PIGH: variants seen among roughly 807,000 people sequenced by gnomAD.
PIGH encodes phosphatidylinositol N-acetylglucosaminyltransferase subunit H.
PIGH carries 11 observed loss-of-function variants against 20.1 expected under a neutral mutation model. The observed-to-expected ratio is 0.55, with a 90% CI of 0.34 to 0.91. PIGH has a LOEUF of 0.91. Among genes scored for constraint, PIGH ranks in the 40% least tolerant of loss-of-function variants. The pLI is 0.02. For missense variants in PIGH, 189 were observed against 233.6 expected, an observed-to-expected ratio of 0.81 and a Z score of 1.24; for synonymous variants, 72 against 93.1, an observed-to-expected ratio of 0.77 and a Z score of 1.31.
intron 1 of PIGH, among the ~76,000 whole-genome samples, chr14:67,598,992 G>A (rs2036524222): frequency 6.6e-6 from 1 of 152,186 alleles, no homozygotes; most frequent in African/African-American, 2.4e-5. Flanking sequence ...TTACAGGCGT[G>A]AGGTACAGTG....
chr14:67,600,262 C>CGTCTCGCCCGCTCCGGT lies in PIGH; in HGVS notation c.-60_-59insACCGGAGCGGGCGAGAC, dbSNP rs2036557760. ...GCTGCACTGCGCTCGCCGGCCCTGG[C>CGTCTCGCCCGCTCCGGT]CGTCTCGCCCGCTCCAGACCCGCTT... On this transcript the variant is annotated 5_prime_UTR_variant, in exon 1 of 4. Transcript: ENST00000216452. The CGTCTCGCCCGCTCCGGT allele has an allele frequency of 9.9e-6, 14 of 1,415,002 alleles. No individual in the cohort carries two copies. In the African/African-American group the frequency reaches 1.2e-4, roughly 12 times the overall value. The allele number at this position is 1,415,002 out of a possible 1,614,324, so 87.7% of individuals were successfully genotyped here. A position where few individuals can be genotyped will look rare whatever the true frequency, so the allele number is the denominator to read the frequency against.
Position 67,590,171 on chromosome 14 carries a change from C to T in PIGH, c.476G>A (p.Ser159Asn), listed in dbSNP as rs2036326885. Residue 159 changes from serine (S) to asparagine (N), a missense_variant and splice_region_variant, in exon 4 of 4, where the codon AGT (serine) becomes AAT (asparagine). By Grantham distance (46) the Ser-to-Asn change is conservative. Transcript: ENST00000216452. ...CAAGCAGTCCAGCCGGGGCTTGGCA[C>T]TCTGAATTCCAAAGGGGAGAAATGC... ...GISQVVPVFQ[S>N]AKPRLDCLIE... 6 of 1,549,488 alleles carry T rather than the reference C, an allele frequency of 3.9e-6. No individual in the cohort carries two copies. In the Admixed American group the frequency reaches 9.8e-5, roughly 25 times the overall value.
At chr14:67,598,713 CT>C (rs10681128) in intron 1 of PIGH, among the ~76,000 whole-genome samples, 2,028 of 144,400 alleles carry the variant, frequency 0.014, 26 homozygotes, top group Non-Finnish European at 0.022. Flanking sequence ...TATGAACAAA[CT>C]TTTTTTTTTT....
At chr14:67,599,877 G>T (rs1051877218) in intron 1 of PIGH, 147 bp downstream of exon 1, 5 of 616,478 alleles carry the variant, frequency 8.1e-6, no homozygotes, top group African/African-American at 7.7e-5. Context: ...GCGGAATATC[G>T]TCCCCAGAAC....
rs2036395195 is a variant in PIGH at position 67,592,645 on chromosome 14, G to C, written c.464C>G (p.Pro155Arg). ...GTATTCTATGCTCACCTGGAAGACGGGTACTACTTGGGATATCCCATGTGG... is the reference window on the plus strand; with the variant it reads ...GTATTCTATGCTCACCTGGAAGACGCGTACTACTTGGGATATCCCATGTGG... Reference protein sequence around the residue: ...VEPHGISQVVPVFQSAKPRLD... With the variant: ...VEPHGISQVVRVFQSAKPRLD... The change falls in exon 3 of 4, where the codon CCC becomes CGC. Residue 155 changes from proline (P) to arginine (R), a missense_variant. Transcript: ENST00000216452. 1 of 1,594,752 alleles carries C rather than the reference G, an allele frequency of 6.3e-7. No individual in the cohort carries two copies. The highest frequency in any genetic ancestry group is 2.1e-4 in the Middle Eastern group (1 of 4,652).
At chr14:67,594,934 G>T (rs930841237) in intron 1 of PIGH, among the ~76,000 whole-genome samples, 1 of 152,086 alleles carries the variant, frequency 6.6e-6, no homozygotes, top group Non-Finnish European at 1.5e-5. Flanking sequence ...CGGATCACGA[G>T]GTCAGGAGAT....
chr14:67,595,162 A>T (rs1057401488), intron 1 of PIGH, among the ~76,000 whole-genome samples: 2 of 152,182 alleles, frequency 1.3e-5, no homozygotes, highest in Admixed American at 6.5e-5. Context: ...AAAAAAATAA[A>T]AAAGAACACT....
chr14:67,592,798 A>T (rs74194994), intron 2 of PIGH, 80 bp from the exon 3 acceptor site: 13,066 of 926,268 alleles, frequency 0.014, 648 homozygotes, highest in East Asian at 0.12. Flanking sequence ...TTATTTATTT[A>T]TTTTTGAGAC....
chr14:67,594,955 G>A (rs2036443778), intron 1 of PIGH, among the ~76,000 whole-genome samples: 1 of 151,876 alleles, frequency 6.6e-6, no homozygotes, highest in East Asian at 1.9e-4. Context: ...CGAGACCACG[G>A]TGAAACCCCG....
intron 1 of PIGH, 68 bp downstream of exon 1, chr14:67,599,956 G>A (rs2036545464): frequency 7.4e-7 from 1 of 1,351,222 alleles, no homozygotes; most frequent in African/African-American, 1.5e-5. Context: ...CTCGACCAAA[G>A]ACCCCAAAGA....
At chr14:67,597,914 C>G (rs1169101088) in intron 1 of PIGH, among the ~76,000 whole-genome samples, 1 of 152,224 alleles carries the variant, frequency 6.6e-6, no homozygotes, top group East Asian at 1.9e-4. Context: ...AACAAGGGAA[C>G]AACCTGGAAC....
At chr14:67,596,384 A>AC (rs1433938357) in intron 1 of PIGH, among the ~76,000 whole-genome samples, 1 of 130,374 alleles carries the variant, frequency 7.7e-6, no homozygotes, top group Non-Finnish European at 1.6e-5. Flanking sequence ...CAGGCAATCC[A>AC]CCCGCCTCAG....
chr14:67,593,960 G>A lies in PIGH; in HGVS notation c.181-8C>T. On this transcript the variant is annotated splice_region_variant and splice_polypyrimidine_tract_variant and intron_variant, in intron 1 of 3. Transcript: ENST00000216452. ...AGAGAGGATCATGCTGTTCTGAAGA[G>A]AGAGCCAGACACAGACAGTAAGATT... 1 of 1,595,704 alleles carries A rather than the reference G, an allele frequency of 6.3e-7. No individual in the cohort carries two copies.
intron 2 of PIGH, 31 bp downstream of exon 2, chr14:67,593,712 G>T: frequency 7.4e-7 from 1 of 1,346,902 alleles, no homozygotes; most frequent in African/African-American, 1.4e-5. Context: ...CCTCCAGAGA[G>T]GCCTGTAATA....
chr14:67,594,032 GA>G, intron 1 of PIGH, 80 bp from the exon 2 acceptor site: 1 of 893,742 alleles, frequency 1.1e-6, no homozygotes, highest in Non-Finnish European at 1.8e-6. Flanking sequence ...AACATGCATG[GA>G]GGAAAAGGAA....
chr14:67,597,241 G>A (rs1372311516), intron 1 of PIGH, among the ~76,000 whole-genome samples: 1 of 152,246 alleles, frequency 6.6e-6, no homozygotes, highest in Non-Finnish European at 1.5e-5. Context: ...ACTTTGGGAG[G>A]CCAACATGGG....
intron 2 of PIGH, 139 bp downstream of exon 2, chr14:67,593,604 T>C (rs2036416470): frequency 1.3e-5 from 8 of 600,342 alleles, no homozygotes; most frequent in Non-Finnish European, 2.4e-5. Context: ...GAAAACCTGC[T>C]GCATCTCTTT....
In PIGH at chr14:67,593,738, C is replaced by T. The variant is rs751350090; in HGVS notation, c.390+5G>A. On this transcript the variant is annotated splice_donor_5th_base_variant and intron_variant, in intron 2 of 3. Transcript: ENST00000216452. ...GCCTGTAATACTTACCTTTTAAATA[C>T]TTACCATGTAAATGGCCTCATTGAT... is the stretch of plus-strand genomic sequence containing the variant. 1.3e-6 allele frequency: 2 copies of T among 1,581,756 alleles called. No individual in the cohort carries two copies. Among genetic ancestry groups the T allele is most frequent in the Non-Finnish European group, 8.7e-7 (1 of 1,150,744 alleles).
chr14:67,593,025 G>C (rs2140617023), intron 2 of PIGH, among the ~76,000 whole-genome samples: 1 of 152,308 alleles, frequency 6.6e-6, no homozygotes, highest in Middle Eastern at 3.4e-3. Flanking sequence ...GACCTTAGGT[G>C]ATCCGCCTGC....
Sources: allele counts gnomAD v4.1 joint callset (sites outside exome capture counted in the v4.1 genomes callset), GRCh38; gene constraint gnomAD v4.1.1; transcripts MANE v1.5; gene names NCBI Gene and HGNC (gene_info 2026-07-23, HGNC 2026-07-21).